Variants in XKR6 observed in about 807,000 individuals in gnomAD.
XKR6 encodes the protein XK related 6.
Under a neutral mutation model 56.7 loss-of-function variants are expected in XKR6, and 22 were observed. The ratio of observed to expected loss-of-function variants is 0.39; its 90% CI spans 0.28 to 0.55. The LOEUF (loss-of-function observed/expected upper bound fraction) is 0.55. Among genes scored for constraint, XKR6 ranks in the 20% least tolerant of loss-of-function variants. The pLI is 0.66. For synonymous variants in XKR6, 524 were observed against 387.8 expected (o/e 1.35, Z -4.13); for missense variants, 852 against 889.0 (o/e 0.96, Z 0.53).
chr8:10,899,637 C>G (rs762179880), intron 2 of XKR6, among the ~76,000 whole-genome samples: 1 of 152,200 alleles, frequency 6.6e-6, no homozygotes, highest in Non-Finnish European at 1.5e-5. Flanking sequence ...TGCTCTTAAG[C>G]CTTGACTTTT....
intron 1 of XKR6, among the ~76,000 whole-genome samples, chr8:11,019,123 T>C (rs1394083902): frequency 2.0e-5 from 3 of 152,216 alleles, no homozygotes; most frequent in Non-Finnish European, 4.4e-5. Context: ...GATCTAAGTG[T>C]GGCTGTCATC....
intron 1 of XKR6, among the ~76,000 whole-genome samples, chr8:10,967,525 G>C (rs1802261027): frequency 6.6e-6 from 1 of 152,232 alleles, no homozygotes; most frequent in South Asian, 2.1e-4. Flanking sequence ...CACTGAGGCA[G>C]AGGTCGGGGG....
intron 1 of XKR6, among the ~76,000 whole-genome samples, chr8:10,937,473 C>T (rs1175125210): frequency 1.3e-5 from 2 of 150,334 alleles, no homozygotes; most frequent in African/African-American, 2.4e-5. Flanking sequence ...GGAGGAGAGG[C>T]GCTCTGCGTT....
At chr8:11,188,945 C>G (rs1368331498) in intron 1 of XKR6, among the ~76,000 whole-genome samples, 1 of 152,128 alleles carries the variant, frequency 6.6e-6, no homozygotes, top group African/African-American at 2.4e-5. Flanking sequence ...TGCACAGATG[C>G]AGGGATGCTT....
intron 1 of XKR6, among the ~76,000 whole-genome samples, chr8:11,194,076 TA>T (rs1416079855): frequency 1.3e-5 from 2 of 152,218 alleles, no homozygotes; most frequent in Non-Finnish European, 2.9e-5. Context: ...TGGCAGGACT[TA>T]GAACTCTACT....
chr8:10,896,809 T>A lies in XKR6; in HGVS notation c.*1143A>T, dbSNP rs951851823. 6.6e-6 allele frequency: 1 copy of A among 152,256 alleles called. No homozygotes were observed. The highest frequency in any genetic ancestry group is 6.6e-5 in the Admixed American group (1 of 15,254). 9.4% of individuals were successfully genotyped at this position (152,256 alleles called of 1,614,324 possible). ...CACAAATGAAAAATGAAGAATTCTT[T>A]CCAGATCAATTTAAGGCTTCCCACC... is the stretch of plus-strand genomic sequence containing the variant. On this transcript the variant is annotated 3_prime_UTR_variant, in exon 3 of 3. Coordinates refer to ENST00000416569, the MANE Select transcript of XKR6 (RefSeq NM_173683.4).
intron 1 of XKR6, among the ~76,000 whole-genome samples, chr8:11,086,148 A>ATATTTTTTTT (rs71203369): frequency 8.3e-6 from 1 of 120,722 alleles, no homozygotes; most frequent in African/African-American, 3.9e-5. Context: ...ATATATATAT[A>ATATTTTTTTT]TTTTTTTTTA....
intron 1 of XKR6, among the ~76,000 whole-genome samples, chr8:11,044,680 A>G (rs1472857688): frequency 6.6e-6 from 1 of 150,992 alleles, no homozygotes; most frequent in African/African-American, 2.4e-5. Flanking sequence ...GTGCAATAGC[A>G]TGATCTCAGC....
At chr8:11,031,145 G>A (rs1416696007) in intron 1 of XKR6, among the ~76,000 whole-genome samples, 2 of 152,186 alleles carry the variant, frequency 1.3e-5, no homozygotes, top group African/African-American at 4.8e-5. Context: ...AACCAGAGGT[G>A]GGCTCCTGAT....
chr8:11,013,426 T>C (rs1196931788), intron 1 of XKR6, among the ~76,000 whole-genome samples: 1 of 152,188 alleles, frequency 6.6e-6, no homozygotes, highest in Non-Finnish European at 1.5e-5. Context: ...ATGCCGGCTC[T>C]CATGTTTATT....
intron 1 of XKR6, among the ~76,000 whole-genome samples, chr8:11,131,982 G>C (rs949460124): frequency 1.2e-4 from 18 of 152,074 alleles, no homozygotes; most frequent in Non-Finnish European, 8.8e-5. Context: ...ACATGACTGT[G>C]TATGTTTTTC....
chr8:11,184,523 C>G (rs181483864), intron 1 of XKR6, among the ~76,000 whole-genome samples: 128 of 152,054 alleles, frequency 8.4e-4, no homozygotes, highest in African/African-American at 2.2e-3. Flanking sequence ...TTTAAGACAG[C>G]TGACTGTTAG....
At position 11,040,356 on chromosome 8, in the gene XKR6, T is replaced by C. The variant is rs149543587; in HGVS notation, c.765-115526A>G. ...GGGCAACATAAGCAGATCTCATGTC[T>C]GCTAAAAAAAAAAAAAAAAAAAAAA... On this transcript the variant is annotated intron_variant, in intron 1 of 2. Coordinates refer to ENST00000416569, the MANE Select transcript of XKR6 (RefSeq NM_173683.4). Among the ~76,000 whole-genome samples the C allele has an allele frequency of 7.1e-3, 835 of 117,166 alleles. 7 individuals carry two copies. The highest frequency in any genetic ancestry group is 0.034 in the African/African-American group (796 of 23,652). The allele number at this position is 117,166 out of a possible 152,430, so 76.9% of individuals were successfully genotyped here. A position where few individuals can be genotyped will look rare whatever the true frequency, so the allele number is the denominator to read the frequency against.
At chr8:10,913,441 G>A (rs1248728721) in intron 2 of XKR6, among the ~76,000 whole-genome samples, 1 of 152,092 alleles carries the variant, frequency 6.6e-6, no homozygotes, top group African/African-American at 2.4e-5. Flanking sequence ...AGTGCCCTGG[G>A]AGACACAGCC....
chr8:11,004,787 C>T (rs1328514857), intron 1 of XKR6, among the ~76,000 whole-genome samples: 1 of 152,150 alleles, frequency 6.6e-6, no homozygotes, highest in Admixed American at 6.5e-5. Context: ...TGGAGACAAC[C>T]CAAGTGTCCA....
intron 1 of XKR6, chr8:11,107,737 T>C (rs1382255639): frequency 6.5e-6 from 1 of 153,606 alleles, no homozygotes; most frequent in Admixed American, 6.5e-5. Context: ...CCAAGTGGAC[T>C]GACCCTGGCT....
At chr8:10,901,316 A>G (rs1256473266) in intron 2 of XKR6, among the ~76,000 whole-genome samples, 1 of 152,038 alleles carries the variant, frequency 6.6e-6, no homozygotes, top group Non-Finnish European at 1.5e-5. Context: ...TTGGCCTCCC[A>G]ATGTGCTGGA....
Position 11,201,039 on chromosome 8 carries a change from G to T in XKR6, c.301C>A (p.Pro101Thr). Residue 101 changes from proline (P) to threonine (T), a missense_variant, in exon 1 of 3, where the codon CCC (proline) becomes ACC (threonine). Pro to Thr is a conservative substitution (Grantham distance 38). This residue lies in a region of XKR6 where 417 missense variants were observed against 355.2 expected (regional missense o/e 1.17). Coordinates refer to ENST00000416569, the MANE Select transcript of XKR6 (RefSeq NM_173683.4). The part of the protein sequence containing the change: ...GDQPLQPPAA[P>T]GAGRQPPTPS... ...GTCGGGGGTTGGCGGCCGGCGCCGG[G>T]GGCCGCGGGAGGCTGCAGCGGCTGG... 1.7e-6 allele frequency: 2 copies of T among 1,205,394 alleles called. No homozygotes were observed. Among genetic ancestry groups the T allele is most frequent in the Non-Finnish European group, 1.0e-6 (1 of 975,216 alleles). The allele number at this position is 1,205,394 out of a possible 1,614,324, so 74.7% of individuals were successfully genotyped here. A position where few individuals can be genotyped will look rare whatever the true frequency, so the allele number is the denominator to read the frequency against.
intron 2 of XKR6, among the ~76,000 whole-genome samples, chr8:10,917,319 G>C (rs1005161002): frequency 6.6e-6 from 1 of 152,234 alleles, no homozygotes; most frequent in Admixed American, 6.5e-5. Flanking sequence ...TAAATGGGGA[G>C]AGGGGCTGGA....
Sources: gnomAD v4.1 joint callset for allele counts (sites outside exome capture counted in the v4.1 genomes callset) on GRCh38, gnomAD v4.1.1 for gene constraint, gnomAD v4.1.1 regional missense constraint, MANE v1.5 for transcripts, NCBI Gene and HGNC (gene_info 2026-07-23, HGNC 2026-07-21) for gene names.